UPF1: variants seen among roughly 807,000 people sequenced by gnomAD.
UPF1 encodes regulator of nonsense transcripts 1.
A neutral mutation model predicts 129.2 loss-of-function variants in UPF1; 9 were observed. That is an observed-to-expected ratio of 0.07 (90% CI 0.04 to 0.12). UPF1 has a LOEUF of 0.12. UPF1 is among the 10% of genes least tolerant of loss of function. The probability of loss-of-function intolerance (pLI) is 1.00; values close to 1 mark genes in which losing one functional copy is unlikely to be tolerated. For synonymous variants in UPF1, 649 were observed against 644.9 expected (o/e 1.01, Z -0.10); for missense variants, 788 against 1,525.3 (o/e 0.52, Z 8.05).
Position 18,855,451 on chromosome 19 carries a change from G to C in UPF1, c.1544+209G>C. The C allele has an allele frequency of 4.7e-6, 3 of 639,062 alleles. No homozygotes were observed. The South Asian group carries it at 5.9e-5, about 13-fold the overall frequency. 39.6% of individuals were successfully genotyped at this position (639,062 alleles called of 1,614,324 possible). On this transcript the variant is annotated intron_variant, in intron 11 of 23. Transcript: ENST00000262803. ...ATTTTAGTAACCAGGTCTGCTACTG[G>C]TTTAGAAAACTGGGGGCAGGGGGGG...
intron 3 of UPF1, 76 bp downstream of exon 3, chr19:18,847,909 A>G (rs2055617724): frequency 6.7e-7 from 1 of 1,500,272 alleles, no homozygotes; most frequent in Non-Finnish European, 9.2e-7. Context: ...GAAATGTTGA[A>G]GCAAAGCGTA....
At chr19:18,840,245 A>G (rs1012430600) in intron 1 of UPF1, among the ~76,000 whole-genome samples, 1 of 152,144 alleles carries the variant, frequency 6.6e-6, no homozygotes, top group African/African-American at 2.4e-5. Flanking sequence ...TGTATGCATG[A>G]GTAAGTGTGT....
At chr19:18,842,419 AGAGAT>A (rs1010429108) in intron 1 of UPF1, among the ~76,000 whole-genome samples, 5 of 152,100 alleles carry the variant, frequency 3.3e-5, no homozygotes, top group African/African-American at 1.2e-4. Flanking sequence ...TGGGTCAGGA[AGAGAT>A]AAGTGTGTGA....
intron 19 of UPF1, 143 bp downstream of exon 19, chr19:18,863,755 G>GGCTCTCCTAGGGGAGGGTGT (rs2055808364): frequency 8.3e-7 from 1 of 1,204,972 alleles, no homozygotes; most frequent in African/African-American, 1.5e-5. Flanking sequence ...GGGGAGGGTG[G>GGCTCTCCTAGGGGAGGGTGT]GCCAGCCCAC....
At chr19:18,846,987 G>A (rs953538207) in intron 2 of UPF1, among the ~76,000 whole-genome samples, 1 of 152,232 alleles carries the variant, frequency 6.6e-6, no homozygotes, top group African/African-American at 2.4e-5. Context: ...GTCACGGCAG[G>A]TTTGGGCCTG....
chr19:18,864,310 G>T, intron 20 of UPF1, 59 bp downstream of exon 20: 2 of 1,486,706 alleles, frequency 1.3e-6, no homozygotes, highest in Non-Finnish European at 1.9e-6. Context: ...GATGCTGGCC[G>T]TTCCCATGGC....
At chr19:18,836,098 G>C (rs1388043255) in intron 1 of UPF1, among the ~76,000 whole-genome samples, 1 of 152,214 alleles carries the variant, frequency 6.6e-6, no homozygotes, top group African/African-American at 2.4e-5. Context: ...ATCCTGGGAT[G>C]AAAAGCGCTG....
intron 1 of UPF1, among the ~76,000 whole-genome samples, chr19:18,845,746 T>G (rs1452348183): frequency 1.3e-5 from 2 of 151,584 alleles, no homozygotes; most frequent in Non-Finnish European, 2.9e-5. Flanking sequence ...GCTCTGTGGC[T>G]AGGCGGGGGT....
Position 18,850,252 on chromosome 19 carries a change from C to T in UPF1, c.629+10C>T, listed in dbSNP as rs1162647894. 1 of 1,589,316 alleles carries T rather than the reference C, an allele frequency of 6.3e-7. No homozygotes were observed. The highest frequency in any genetic ancestry group is 1.8e-5 in the Admixed American group (1 of 56,930). On this transcript the variant is annotated intron_variant, in intron 4 of 23. Coordinates refer to ENST00000262803, the MANE Select transcript of UPF1 (RefSeq NM_002911.4). The surrounding 1 kb of genome is among the most constrained non-coding windows in gnomAD (Gnocchi z 7.1). Reference sequence around the variant, plus strand: ...TGGTGCTGCTGTGCAGGTGAGTGGTCCCCAGATGTCTCCTGGGGGTGACCT... The same window carrying T: ...TGGTGCTGCTGTGCAGGTGAGTGGTTCCCAGATGTCTCCTGGGGGTGACCT...
rs2055707176 is a variant in UPF1, at chr19:18,855,479, T to C, written c.1544+237T>C. 8.4e-6 allele frequency: 5 copies of C among 594,064 alleles called. No individual in the cohort carries two copies. In the Admixed American group the frequency reaches 1.2e-4, roughly 15 times the overall value. 36.8% of individuals were successfully genotyped at this position (594,064 alleles called of 1,614,324 possible). A position where few individuals can be genotyped will look rare whatever the true frequency, so the allele number is the denominator to read the frequency against. The stretch of plus-strand genomic sequence containing the variant: ...TAGAAAACTGGGGGCAGGGGGGGCA[T>C]GGCTGCAGCAGCGTGAGTTCCGTGT... On this transcript the variant is annotated intron_variant, in intron 11 of 23. Transcript: ENST00000262803.
At position 18,864,385 on chromosome 19, in the gene UPF1, C is replaced by G. The variant is rs927867583; in HGVS notation, c.2857+134C>G. The G allele has an allele frequency of 8.3e-6, 6 of 720,624 alleles. No individual in the cohort carries two copies. The African/African-American group carries it at 1.1e-4, about 13-fold the overall frequency. The allele number at this position is 720,624 out of a possible 1,614,324, so 44.6% of individuals were successfully genotyped here. A position where few individuals can be genotyped will look rare whatever the true frequency, so the allele number is the denominator to read the frequency against. On this transcript the variant is annotated intron_variant, in intron 20 of 23. Transcript: ENST00000262803. ...GCGGTGCCTGGCTCCCTTGGCCTCC[C>G]CGCCCCTAGGGCATCTCTAGCCCCG...
Position 18,850,254 on chromosome 19 carries a change from C to A in UPF1, c.629+12C>A. On this transcript the variant is annotated intron_variant, in intron 4 of 23. Coordinates refer to ENST00000262803, the MANE Select transcript of UPF1 (RefSeq NM_002911.4). The surrounding 1 kb of genome is among the most constrained non-coding windows in gnomAD (Gnocchi z 7.1). ...GTGCTGCTGTGCAGGTGAGTGGTCCCCAGATGTCTCCTGGGGGTGACCTTT... is the reference window on the plus strand; with the variant it reads ...GTGCTGCTGTGCAGGTGAGTGGTCCACAGATGTCTCCTGGGGGTGACCTTT... The A allele has an allele frequency of 6.3e-7, 1 of 1,587,520 alleles. No homozygotes were observed. Among genetic ancestry groups the A allele is most frequent in the East Asian group, 2.2e-5 (1 of 44,506 alleles).
In UPF1 at chr19:18,847,661, C is replaced by T. The variant is rs116351832; in HGVS notation, c.372-83C>T. Reference sequence around the variant, plus strand: ...TTAATGAAGAACTTAAAAATGTTGTCAGAGGAAAGAATTTCACATCTTGCC... The same window carrying T: ...TTAATGAAGAACTTAAAAATGTTGTTAGAGGAAAGAATTTCACATCTTGCC... On this transcript the variant is annotated intron_variant, in intron 2 of 23. Transcript: ENST00000262803. 1,224 of 1,335,994 alleles carry T rather than the reference C, an allele frequency of 9.2e-4. 9 individuals carry two copies. The African/African-American group carries it at 0.016, about 17-fold the overall frequency. 82.8% of individuals were successfully genotyped at this position (1,335,994 alleles called of 1,614,324 possible). A position where few individuals can be genotyped will look rare whatever the true frequency, so the allele number is the denominator to read the frequency against.
At chr19:18,841,544 C>G (rs375520795) in intron 1 of UPF1, among the ~76,000 whole-genome samples, 2 of 152,204 alleles carry the variant, frequency 1.3e-5, no homozygotes, top group East Asian at 3.8e-4. Context: ...ATGGCTGTCT[C>G]TGGGCCCTGC....
At chr19:18,846,687 T>C (rs2055604007) in intron 2 of UPF1, among the ~76,000 whole-genome samples, 1 of 152,044 alleles carries the variant, frequency 6.6e-6, no homozygotes, top group African/African-American at 2.4e-5. Context: ...GAAATGTAGA[T>C]TAGAAGAGGG....
chr19:18,852,091 A>AG (rs1156730731), intron 5 of UPF1, 44 bp from the exon 6 acceptor site: 1 of 1,546,546 alleles, frequency 6.5e-7, no homozygotes, highest in Non-Finnish European at 8.7e-7. Flanking sequence ...ATTTGCATGT[A>AG]GGGAAAAACA....
At chr19:18,839,184 C>T (rs549211326) in intron 1 of UPF1, among the ~76,000 whole-genome samples, 19 of 152,220 alleles carry the variant, frequency 1.2e-4, no homozygotes, top group South Asian at 1.2e-3. Flanking sequence ...CTCTGCCTCC[C>T]GGGTTTAAGT....
Position 18,856,982 on chromosome 19 carries a change from C to T in UPF1, c.1930C>T (p.Pro644Ser). The change falls in exon 14 of 24, where the codon CCG (proline) becomes TCG (serine). Residue 644 changes from proline to serine, a missense_variant. This residue lies in a region of UPF1 where 140 missense variants were observed against 385.9 expected (regional missense o/e 0.36). Transcript: ENST00000262803. The part of the protein sequence containing the change: ...LIDESTQATE[P>S]ECMVPVVLGA... The stretch of plus-strand genomic sequence containing the variant: ...CGACGAAAGCACCCAGGCCACCGAG[C>T]CGGAGTGCATGGTTCCCGTGGTCCT... 1 of 1,612,824 alleles carries T rather than the reference C, an allele frequency of 6.2e-7. No individual in the cohort carries two copies. The highest frequency in any genetic ancestry group is 8.5e-7 in the Non-Finnish European group (1 of 1,180,006).
rs1364741093 is a variant in UPF1 at position 18,865,730 on chromosome 19, G to A, written c.3189G>A (p.Gln1063=). 1 of 1,613,406 alleles carries A rather than the reference G, an allele frequency of 6.2e-7. No individual in the cohort carries two copies. The highest frequency in any genetic ancestry group is 2.2e-5 in the East Asian group (1 of 44,864). ...CGCAGGGCTACATCTCCATGAGCCA[G>A]CCTTCCCAGATGAGCCAGCCCGGCC... ...ALTQGYISMS[Q]PSQMSQPGLS... is the part of the protein sequence containing the mutation. The change falls in exon 22 of 24, where the codon CAG becomes CAA. Residue 1063 remains glutamine (Q), a synonymous_variant. Coordinates refer to ENST00000262803, the MANE Select transcript of UPF1 (RefSeq NM_002911.4). This position sits in a 1 kb window ranked among gnomAD's most constrained non-coding sequence, Gnocchi z 6.1.
Sources: allele counts gnomAD v4.1 joint callset (sites outside exome capture counted in the v4.1 genomes callset), GRCh38; gene constraint gnomAD v4.1.1; regional missense constraint gnomAD v4.1.1; non-coding constraint Gnocchi (gnomAD v3.1); transcripts MANE v1.5; gene names NCBI Gene and HGNC (gene_info 2026-07-23, HGNC 2026-07-21).